Variants in MECOM observed in about 807,000 individuals in gnomAD.
The protein encoded by MECOM is histone-lysine N-methyltransferase MECOM.
Under a neutral mutation model 116.3 loss-of-function variants are expected in MECOM, and 13 were observed. The observed-to-expected ratio is 0.11, with a 90% CI of 0.07 to 0.18. The LOEUF is 0.18. Ranked by LOEUF, MECOM falls within the 10% of genes least tolerant of loss-of-function variation. The pLI, the probability that MECOM is intolerant of heterozygous loss-of-function variation, is 1.00. For missense variants in MECOM, 1,299 were observed against 1,509.0 expected, an observed-to-expected ratio of 0.86 and a Z score of 2.31; for synonymous variants, 528 against 535.2, an observed-to-expected ratio of 0.99 and a Z score of 0.19.
intron 2 of MECOM, among the ~76,000 whole-genome samples, chr3:169,372,658 C>T (rs1038351265): frequency 3.3e-5 from 5 of 151,964 alleles, no homozygotes; most frequent in African/African-American, 1.2e-4. Context: ...CCTAATAACC[C>T]TATGCTAGAT....
rs551861017 is a variant in MECOM, at chr3:169,445,950, C to A, written c.38-64426G>T. Among the ~76,000 whole-genome samples the A allele has an allele frequency of 2.6e-5, 4 of 152,284 alleles. No individual in the cohort carries two copies. The East Asian group carries it at 5.8e-4, about 22-fold the overall frequency. On this transcript the variant is annotated intron_variant, in intron 1 of 16. Transcript: ENST00000651503. ...CCCCTTTGTTTTGGCCAGTTTCTCC[C>A]ATTTGGAATGGCTGTATTTACCTAA...
chr3:169,401,647 A>G (rs1735926325), intron 1 of MECOM, among the ~76,000 whole-genome samples: 1 of 152,210 alleles, frequency 6.6e-6, no homozygotes, highest in South Asian at 2.1e-4. Flanking sequence ...GCCACACCCA[A>G]GAAGGGAAGA....
chr3:169,297,497 A>T (rs1018131066), intron 2 of MECOM, among the ~76,000 whole-genome samples: 2 of 149,668 alleles, frequency 1.3e-5, no homozygotes, highest in African/African-American at 5.0e-5. Flanking sequence ...TTGACCATGT[A>T]AGGTTGTTTT....
intron 2 of MECOM, chr3:169,144,939 G>T: frequency 7.1e-7 from 1 of 1,404,306 alleles, no homozygotes; most frequent in Non-Finnish European, 9.9e-7. Context: ...GAGACCAAAA[G>T]CAATTTTGCA....
chr3:169,134,766 A>C (rs546541884), intron 3 of MECOM, among the ~76,000 whole-genome samples: 2 of 152,298 alleles, frequency 1.3e-5, no homozygotes, highest in Admixed American at 1.3e-4. Flanking sequence ...GGATGTCTAC[A>C]TATAAATTTA....
intron 2 of MECOM, among the ~76,000 whole-genome samples, chr3:169,187,844 T>A (rs1390089358): frequency 6.6e-6 from 1 of 152,148 alleles, no homozygotes; most frequent in African/African-American, 2.4e-5. Context: ...TGCCAGGGTC[T>A]CTGTTAACTT....
intron 1 of MECOM, among the ~76,000 whole-genome samples, chr3:169,494,223 A>C (rs1289296742): frequency 6.6e-6 from 1 of 151,988 alleles, no homozygotes; most frequent in Non-Finnish European, 1.5e-5. Flanking sequence ...ACCTAATTTT[A>C]AGTGATGTTG....
intron 1 of MECOM, among the ~76,000 whole-genome samples, chr3:169,387,260 A>T (rs1353430810): frequency 6.6e-6 from 1 of 152,226 alleles, no homozygotes; most frequent in Non-Finnish European, 1.5e-5. Flanking sequence ...AGTGAAAAGC[A>T]GAAAAAAAAA....
chr3:169,174,143 G>C (rs111395564), intron 2 of MECOM, among the ~76,000 whole-genome samples: 7 of 152,208 alleles, frequency 4.6e-5, no homozygotes, highest in African/African-American at 1.4e-4. Flanking sequence ...GGGCATTTTG[G>C]TATGCTTCCA....
chr3:169,385,691 G>A (rs1033171920), intron 1 of MECOM, among the ~76,000 whole-genome samples: 1 of 152,058 alleles, frequency 6.6e-6, no homozygotes, highest in African/African-American at 2.4e-5. Flanking sequence ...CCAAAAAGCT[G>A]CTAAAACATT....
intron 1 of MECOM, among the ~76,000 whole-genome samples, chr3:169,595,483 T>C (rs1767025485): frequency 6.6e-6 from 1 of 152,222 alleles, no homozygotes; most frequent in Non-Finnish European, 1.5e-5. Context: ...GGAAACATTG[T>C]CTACTAAATC....
At chr3:169,216,851 C>A (rs3106819) in intron 2 of MECOM, among the ~76,000 whole-genome samples, 68,864 of 151,446 alleles carry the variant, frequency 0.45, 15,934 homozygotes, top group Middle Eastern at 0.66. Context: ...ATCTGTAAAA[C>A]AAAAACAAAA....
intron 1 of MECOM, among the ~76,000 whole-genome samples, chr3:169,534,111 C>T (rs1349017589): frequency 6.6e-6 from 1 of 152,152 alleles, no homozygotes; most frequent in Non-Finnish European, 1.5e-5. Context: ...TCTCCTGCAC[C>T]CAGCAGATGC....
chr3:169,517,149 T>C (rs771869033), intron 1 of MECOM, among the ~76,000 whole-genome samples: 57 of 152,292 alleles, frequency 3.7e-4, no homozygotes, highest in Admixed American at 9.1e-4. Flanking sequence ...ACCATCATCA[T>C]TCCCCGGGCA....
At chr3:169,661,961 T>C (rs1272070000) in intron 1 of MECOM, among the ~76,000 whole-genome samples, 1 of 152,204 alleles carries the variant, frequency 6.6e-6, no homozygotes, top group East Asian at 1.9e-4. Context: ...CAGCCCCGCC[T>C]ATTGACACCT....
chr3:169,640,179 T>A (rs60340152), intron 1 of MECOM, among the ~76,000 whole-genome samples: 1 of 123,156 alleles, frequency 8.1e-6, no homozygotes, highest in African/African-American at 3.0e-5. Flanking sequence ...TCAAAAAAAA[T>A]TAATATTTTA....
intron 2 of MECOM, among the ~76,000 whole-genome samples, chr3:169,233,209 C>G (rs1753632075): frequency 6.6e-6 from 1 of 152,122 alleles, no homozygotes; most frequent in African/African-American, 2.4e-5. Flanking sequence ...ATACCTGGGT[C>G]CCAAACATGG....
intron 2 of MECOM, among the ~76,000 whole-genome samples, chr3:169,205,092 T>G (rs1009858062): frequency 3.9e-5 from 6 of 152,188 alleles, no homozygotes; most frequent in African/African-American, 1.4e-4. Context: ...AGGCTTAAAA[T>G]AGTATCTCGT....
intron 2 of MECOM, among the ~76,000 whole-genome samples, chr3:169,197,085 T>C (rs1748505146): frequency 1.3e-5 from 2 of 151,906 alleles, no homozygotes; most frequent in African/African-American, 4.8e-5. Context: ...ATACTGCATG[T>C]TTTCACTTAC....
Sources: gnomAD v4.1 joint callset for allele counts (sites outside exome capture counted in the v4.1 genomes callset) on GRCh38, gnomAD v4.1.1 for gene constraint, MANE v1.5 for transcripts, NCBI Gene and HGNC (gene_info 2026-07-23, HGNC 2026-07-21) for gene names.